Variants in FOXN2 observed in about 807,000 individuals in gnomAD.
The protein encoded by FOXN2 is forkhead box N2.
A neutral mutation model predicts 41.2 loss-of-function variants in FOXN2; 19 were observed. That is an observed-to-expected ratio of 0.46 (90% CI 0.32 to 0.68). The LOEUF (loss-of-function observed/expected upper bound fraction) is 0.68. Ranked by LOEUF, FOXN2 falls within the 30% of genes least tolerant of loss-of-function variation. The probability of loss-of-function intolerance (pLI) is 0.03; values close to 1 mark genes in which losing one functional copy is unlikely to be tolerated. For synonymous variants in FOXN2, 195 were observed against 176.8 expected, an observed-to-expected ratio of 1.10 and a Z score of -0.82; for missense variants, 587 against 509.4, an observed-to-expected ratio of 1.15 and a Z score of -1.47.
chr2:48,373,083 A>T (rs546827038), intron 5 of FOXN2, among the ~76,000 whole-genome samples: 3 of 152,140 alleles, frequency 2.0e-5, no homozygotes, highest in African/African-American at 7.2e-5. Context: ...TTTACACTGT[A>T]TTGTTCACAA....
chr2:48,357,266 C>T (rs1671856386), intron 3 of FOXN2, among the ~76,000 whole-genome samples: 1 of 152,148 alleles, frequency 6.6e-6, no homozygotes, highest in Admixed American at 6.5e-5. Flanking sequence ...AAGGAAATAG[C>T]AACTCTACTG....
chr2:48,325,519 A>G (rs1669602800), intron 1 of FOXN2, among the ~76,000 whole-genome samples: 1 of 151,704 alleles, frequency 6.6e-6, no homozygotes, highest in Non-Finnish European at 1.5e-5. Flanking sequence ...ACATGTATGT[A>G]TCTATAGGAA....
intron 1 of FOXN2, among the ~76,000 whole-genome samples, chr2:48,318,603 C>T (rs1456824051): frequency 6.6e-6 from 1 of 152,188 alleles, no homozygotes; most frequent in African/African-American, 2.4e-5. Context: ...TAAGTACATG[C>T]CATACTCAAA....
chr2:48,345,324 A>G (rs1338533414), intron 2 of FOXN2, among the ~76,000 whole-genome samples: 1 of 152,116 alleles, frequency 6.6e-6, no homozygotes, highest in African/African-American at 2.4e-5. Context: ...TGGTAACCAG[A>G]TATGGGTGGT....
At chr2:48,359,798 A>G (rs1330905295) in intron 4 of FOXN2, among the ~76,000 whole-genome samples, 1 of 152,166 alleles carries the variant, frequency 6.6e-6, no homozygotes, top group Non-Finnish European at 1.5e-5. Context: ...TTTCAGTTAC[A>G]AACAGGTCAG....
intron 3 of FOXN2, among the ~76,000 whole-genome samples, chr2:48,355,076 T>C (rs1398090736): frequency 6.6e-6 from 1 of 152,166 alleles, no homozygotes; most frequent in Non-Finnish European, 1.5e-5. Flanking sequence ...TAGAGTAACA[T>C]TCATAGTTGC....
At position 48,375,471 on chromosome 2, in the gene FOXN2, T is replaced by G; in HGVS notation, c.*28T>G. 1.9e-6 allele frequency: 3 copies of G among 1,559,090 alleles called. No homozygotes were observed. Among genetic ancestry groups the G allele is most frequent in the Non-Finnish European group, 2.6e-6 (3 of 1,154,456 alleles). The stretch of plus-strand genomic sequence containing the variant: ...ATACTTAAAGTGTGGCAATACTCTT[T>G]CACTTAATTCTTTACAAGGGATATC... On this transcript the variant is annotated 3_prime_UTR_variant, in exon 7 of 7. Coordinates refer to ENST00000340553, the MANE Select transcript of FOXN2 (RefSeq NM_002158.4).
chr2:48,362,404 A>C (rs1452991804), intron 4 of FOXN2, among the ~76,000 whole-genome samples: 1 of 151,914 alleles, frequency 6.6e-6, no homozygotes, highest in Non-Finnish European at 1.5e-5. Context: ...TTTCTCTACC[A>C]AAAAAAATTA....
intron 5 of FOXN2, among the ~76,000 whole-genome samples, chr2:48,366,177 T>G (rs1672521020): frequency 6.6e-6 from 1 of 152,024 alleles, no homozygotes; most frequent in African/African-American, 2.4e-5. Context: ...GCCAACATGG[T>G]GAAACCCCAT....
At chr2:48,314,629 G>A (rs1389884469), upstream of FOXN2, 4 of 152,514 alleles carry the variant, frequency 2.6e-5, no homozygotes, top group East Asian at 7.7e-4. Flanking sequence ...CGGGGAAGGG[G>A]AGGGAGGGGG....
chr2:48,364,943 G>T (rs958772665), intron 5 of FOXN2, among the ~76,000 whole-genome samples: 2 of 152,108 alleles, frequency 1.3e-5, no homozygotes, highest in Non-Finnish European at 2.9e-5. Flanking sequence ...TCTCCTGTAG[G>T]TTATTTAATC....
chr2:48,338,415 A>G (rs1290807659), intron 2 of FOXN2, among the ~76,000 whole-genome samples: 1 of 148,878 alleles, frequency 6.7e-6, no homozygotes, highest in African/African-American at 2.5e-5. Context: ...TTTTTTTGAG[A>G]CGGAATCTCG....
chr2:48,338,395 GCC>G (rs1558620498), intron 2 of FOXN2, among the ~76,000 whole-genome samples: 31 of 120,108 alleles, frequency 2.6e-4, no homozygotes, highest in East Asian at 2.7e-4. Flanking sequence ...CAGGAAGGAT[GCC>G]ATTTTTTTTT....
At chr2:48,325,206 C>T (rs1669580956) in intron 1 of FOXN2, among the ~76,000 whole-genome samples, 1 of 152,062 alleles carries the variant, frequency 6.6e-6, no homozygotes, top group Non-Finnish European at 1.5e-5. Flanking sequence ...CCAGTACTTC[C>T]AGTTTGGAGC....
At chr2:48,319,839 C>A (rs1572690038) in intron 1 of FOXN2, among the ~76,000 whole-genome samples, 2 of 143,066 alleles carry the variant, frequency 1.4e-5, no homozygotes, top group Admixed American at 1.4e-4. Flanking sequence ...ACTATGTTGC[C>A]CAGGCTCGTC....
At chr2:48,364,707 T>C (rs1672419362) in intron 5 of FOXN2, among the ~76,000 whole-genome samples, 1 of 152,296 alleles carries the variant, frequency 6.6e-6, no homozygotes, top group African/African-American at 2.4e-5. Context: ...ACATCTGTTT[T>C]TGGGTGTCCC....
At chr2:48,371,793 A>G (rs1672909929) in intron 5 of FOXN2, among the ~76,000 whole-genome samples, 1 of 151,874 alleles carries the variant, frequency 6.6e-6, no homozygotes, top group African/African-American at 2.4e-5. Flanking sequence ...TATTTTTTGT[A>G]GCTATTGTGA....
intron 2 of FOXN2, among the ~76,000 whole-genome samples, chr2:48,344,082 CATT>C (rs556909360): frequency 1.3e-5 from 2 of 152,114 alleles, no homozygotes; most frequent in Non-Finnish European, 2.9e-5. Context: ...GGAAGCAAGA[CATT>C]ATTCAATTCT....
chr2:48,334,022 C>A (rs1670182909), intron 2 of FOXN2, among the ~76,000 whole-genome samples: 1 of 151,854 alleles, frequency 6.6e-6, no homozygotes, highest in Admixed American at 6.6e-5. Context: ...CATACAGTAC[C>A]ATTGAGGACT....
Sources: gnomAD v4.1 joint callset for allele counts (sites outside exome capture counted in the v4.1 genomes callset) on GRCh38, gnomAD v4.1.1 for gene constraint, MANE v1.5 for transcripts, NCBI Gene and HGNC (gene_info 2026-07-23, HGNC 2026-07-21) for gene names.